The following MCAT variants were observed in gnomAD, a reference collection of about 807,000 sequenced individuals.
The protein encoded by MCAT is malonyl-CoA-acyl carrier protein transacylase, mitochondrial.
In MCAT, 22 loss-of-function variants were observed where a neutral mutation model predicts 22.9. The observed-to-expected ratio is 0.96, with a 90% CI of 0.69 to 1.37. MCAT has a LOEUF of 1.37. Ranked by LOEUF, MCAT falls within the 40% of genes most tolerant of loss-of-function variation. MCAT has a pLI of 0.00. For synonymous variants in MCAT, 240 were observed against 233.9 expected (o/e 1.03, Z -0.24); for missense variants, 534 against 533.6 (o/e 1.00, Z -0.01).
chr22:43,139,183 G>A (rs1044097026), intron 2 of MCAT, among the ~76,000 whole-genome samples: 1 of 152,130 alleles, frequency 6.6e-6, no homozygotes, highest in African/African-American at 2.4e-5. Flanking sequence ...AGGAGAGCAC[G>A]CAGACATCCT....
chr22:43,138,571 T>C (rs939616068), intron 2 of MCAT, among the ~76,000 whole-genome samples: 2 of 152,090 alleles, frequency 1.3e-5, no homozygotes, highest in Admixed American at 6.6e-5. Flanking sequence ...ACCCTGTCAC[T>C]ACCAAAAATA....
intron 1 of MCAT, among the ~76,000 whole-genome samples, chr22:43,141,869 C>G (rs1433406024): frequency 6.6e-6 from 1 of 152,204 alleles, no homozygotes; most frequent in South Asian, 2.1e-4. Context: ...TGAGCCACCT[C>G]GCCCGGCCAA....
Position 43,133,400 on chromosome 22 carries a change from G to A in MCAT, c.816C>T (p.Arg272=). Residue 272 remains arginine (R), a synonymous_variant, in exon 4 of 4, where the codon CGC becomes CGT. Coordinates refer to ENST00000290429, the MANE Select transcript of MCAT (RefSeq NM_173467.5). ...MLPVSGAFHT[R]LMEPAVEPLT... ...GGGGCTCCACGGCTGGCTCCATGAG[G>A]CGGGTGTGGAATGCGCCACTAACCG... The A allele has an allele frequency of 1.2e-6, 2 of 1,614,072 alleles. No individual in the cohort carries two copies. The highest frequency in any genetic ancestry group is 1.7e-6 in the Non-Finnish European group (2 of 1,179,926).
In MCAT at chr22:43,143,183, G is replaced by C; in HGVS notation, c.166C>G (p.Arg56Gly). ...ACGGAGCACTGGCCCGGCATTCGCC[G>C]CTCCGTCGCCGCCCAGGGCGCCTCC... is the stretch of plus-strand genomic sequence containing the variant. ...EEEAPWAATERRMPGQCSVLL... is the reference protein window; with the variant it reads ...EEEAPWAATEGRMPGQCSVLL... Residue 56 changes from arginine (R) to glycine (G), a missense_variant, in exon 1 of 4, where the codon CGG becomes GGG. Arg to Gly is a moderately radical substitution (Grantham distance 125). Transcript: ENST00000290429. 1.9e-6 allele frequency: 3 copies of C among 1,549,970 alleles called. No homozygotes were observed. The highest frequency in any genetic ancestry group is 2.6e-6 in the Non-Finnish European group (3 of 1,157,898).
chr22:43,143,038 T>G lies in MCAT; in HGVS notation c.311A>C (p.Glu104Ala). The G allele has an allele frequency of 6.2e-7, 1 of 1,610,514 alleles. No homozygotes were observed. Among genetic ancestry groups the G allele is most frequent in the Non-Finnish European group, 8.5e-7 (1 of 1,179,142 alleles). ...CTCCTGCGGCCCGTGCAGGCTCAGT[T>G]CCAGCAGGTCGTAGCCCAGCACGCG... Reference protein sequence around the residue: ...ARRVLGYDLLELSLHGPQETL... With the variant: ...ARRVLGYDLLALSLHGPQETL... The change falls in exon 1 of 4, where the codon GAA becomes GCA. Residue 104 changes from glutamate (E) to alanine (A), a missense_variant. Transcript: ENST00000290429.
intron 2 of MCAT, among the ~76,000 whole-genome samples, chr22:43,138,598 G>GT (rs1439411996): frequency 6.6e-6 from 1 of 152,146 alleles, no homozygotes; most frequent in East Asian, 1.9e-4. Flanking sequence ...TTAGCCGGGC[G>GT]TGGCAGTGTG....
At chr22:43,141,467 C>T (rs1930766575) in intron 1 of MCAT, among the ~76,000 whole-genome samples, 2 of 152,216 alleles carry the variant, frequency 1.3e-5, no homozygotes. Flanking sequence ...TACAGTCCAT[C>T]AACTCCGTCC....
At chr22:43,140,535 G>A (rs1483783864) in intron 2 of MCAT, among the ~76,000 whole-genome samples, 3 of 152,202 alleles carry the variant, frequency 2.0e-5, no homozygotes, top group African/African-American at 7.2e-5. Flanking sequence ...TTTCGGTAGA[G>A]ATGGGGTTTT....
chr22:43,133,807 C>CTTT (rs59733103), intron 3 of MCAT, among the ~76,000 whole-genome samples: 2 of 141,280 alleles, frequency 1.4e-5, no homozygotes, highest in East Asian at 2.0e-4. Context: ...AATGAGAATT[C>CTTT]TTTTTTTTTT....
At chr22:43,133,531 C>A in intron 3 of MCAT, 45 bp from the exon 4 acceptor site, 2 of 1,495,916 alleles carry the variant, frequency 1.3e-6, no homozygotes, top group South Asian at 1.2e-5. Context: ...CCCAGAAATC[C>A]GCCTTTACAG....
chr22:43,143,235 C>T lies in MCAT; in HGVS notation c.114G>A (p.Leu38=). ...PPPGAQGVAE[L]LRDATGAEEE... ...CCTCCGCCCCGGTCGCATCTCGCAG[C>T]AGCTCCGCTACACCCTGGGCGCCCG... Residue 38 remains leucine, a synonymous_variant, in exon 1 of 4, where the codon CTG becomes CTA. Coordinates refer to ENST00000290429, the MANE Select transcript of MCAT (RefSeq NM_173467.5). 3 of 1,510,980 alleles carry T rather than the reference C, an allele frequency of 2.0e-6. No individual in the cohort carries two copies. The highest frequency in any genetic ancestry group is 1.8e-6 in the Non-Finnish European group (2 of 1,139,744). The allele number at this position is 1,510,980 out of a possible 1,614,324, so 93.6% of individuals were successfully genotyped here.
intron 3 of MCAT, among the ~76,000 whole-genome samples, chr22:43,134,576 GTCATCC>G (rs1255289733): frequency 2.6e-5 from 4 of 152,210 alleles, no homozygotes; most frequent in African/African-American, 4.8e-5. Context: ...CTGGCCTCAA[GTCATCC>G]ACCTGCTTTA....
At chr22:43,141,064 C>A (rs780003285) in intron 2 of MCAT, 98 bp downstream of exon 2, 12 of 908,042 alleles carry the variant, frequency 1.3e-5, no homozygotes. Flanking sequence ...GCTCCCTTCC[C>A]ATCACCTGAG....
Position 43,143,372 on chromosome 22 carries a change from T to C in MCAT, c.-24A>G. The C allele has an allele frequency of 7.4e-7, 1 of 1,344,424 alleles. No homozygotes were observed. Among genetic ancestry groups the C allele is most frequent in the African/African-American group, 1.5e-5 (1 of 64,940 alleles). 83.3% of individuals were successfully genotyped at this position (1,344,424 alleles called of 1,614,324 possible). A position where few individuals can be genotyped will look rare whatever the true frequency, so the allele number is the denominator to read the frequency against. ...ATGGTCGGACACCTGCCCGCGCGCG[T>C]TACCGTGGCGACCGAGGCCCGACTG... is the stretch of plus-strand genomic sequence containing the variant. On this transcript the variant is annotated 5_prime_UTR_variant, in exon 1 of 4. Transcript: ENST00000290429.
chr22:43,133,311 T>C lies in MCAT; in HGVS notation c.905A>G (p.His302Arg). 1 of 1,614,178 alleles carries C rather than the reference T, an allele frequency of 6.2e-7. No homozygotes were observed. The highest frequency in any genetic ancestry group is 1.1e-5 in the South Asian group (1 of 91,090). ...CCCGGGATGCCTGTATCTATGCGCG[T>C]GGACGTTGGAGTAGACAGAAACCAG... ...KPLVSVYSNV[H>R]AHRYRHPGHI... The change falls in exon 4 of 4, where the codon CAC (histidine) becomes CGC (arginine). Residue 302 changes from histidine (H) to arginine (R), a missense_variant. By Grantham distance (29) the His-to-Arg change is conservative (BLOSUM62 0). Coordinates refer to ENST00000290429, the MANE Select transcript of MCAT (RefSeq NM_173467.5).
Position 43,139,980 on chromosome 22 carries a change from TA to T in MCAT, c.511+1181del, listed in dbSNP as rs34696331. On this transcript the variant is annotated intron_variant, in intron 2 of 3. Transcript: ENST00000290429. ...CTTTCCTTAATAATGTTATAACGCT[TA>T]AAAAAAAAGCACTGCAGTGAAATTC... is the stretch of plus-strand genomic sequence containing the variant. Among the ~76,000 whole-genome samples, 681 of 151,296 alleles carry T rather than the reference TA, an allele frequency of 4.5e-3. 7 individuals are homozygous for T. The highest frequency in any genetic ancestry group is 0.016 in the African/African-American group (658 of 41,256).
chr22:43,140,330 A>T (rs1930733439), intron 2 of MCAT, among the ~76,000 whole-genome samples: 2 of 152,040 alleles, frequency 1.3e-5, no homozygotes, highest in African/African-American at 4.8e-5. Flanking sequence ...GCATGCCACT[A>T]AGTGCAGCTA....
chr22:43,141,338 G>T, intron 1 of MCAT, 89 bp from the exon 2 acceptor site: 2 of 1,082,328 alleles, frequency 1.8e-6, no homozygotes, highest in Non-Finnish European at 1.4e-6. Context: ...GGGGTGTTCA[G>T]CATCTCAGTG....
chr22:43,135,589 C>T (rs1195064099), intron 3 of MCAT, among the ~76,000 whole-genome samples: 1 of 151,596 alleles, frequency 6.6e-6, no homozygotes, highest in East Asian at 1.9e-4. Flanking sequence ...TGGGAGCCTA[C>T]TGGGGAGACT....
Sources: gnomAD v4.1 joint callset for allele counts (sites outside exome capture counted in the v4.1 genomes callset) on GRCh38, gnomAD v4.1.1 for gene constraint, MANE v1.5 for transcripts, NCBI Gene and HGNC (gene_info 2026-07-23, HGNC 2026-07-21) for gene names.